Variants in MAP4K3 observed in about 807,000 individuals in gnomAD.
The protein encoded by MAP4K3 is mitogen-activated protein kinase kinase kinase kinase 3.
MAP4K3 carries 94 observed loss-of-function variants against 143.5 expected under a neutral mutation model. That is an observed-to-expected ratio of 0.65 (90% CI 0.55 to 0.78). The LOEUF (loss-of-function observed/expected upper bound fraction) is 0.78. Among genes scored for constraint, MAP4K3 ranks in the 30% least tolerant of loss-of-function variants. MAP4K3 has a pLI of 0.00. For synonymous variants in MAP4K3, 416 were observed against 347.2 expected, an observed-to-expected ratio of 1.20 and a Z score of -2.20; for missense variants, 1,077 against 1,068.1, an observed-to-expected ratio of 1.01 and a Z score of -0.12.
rs924140378 is a variant in MAP4K3, at chr2:39,250,082, A to G, written c.*536T>C. On this transcript the variant is annotated 3_prime_UTR_variant, in exon 34 of 34. Transcript: ENST00000263881. Reference sequence around the variant, plus strand: ...GCATTAAAATTAAAAAGATTATAAAATGATTACAGCCTCCATTACAATTTT... The same window carrying G: ...GCATTAAAATTAAAAAGATTATAAAGTGATTACAGCCTCCATTACAATTTT... 94 of 148,304 alleles carry G rather than the reference A, an allele frequency of 6.3e-4. No individual in the cohort carries two copies. The highest frequency in any genetic ancestry group is 2.1e-3 in the African/African-American group (87 of 41,242). The allele number at this position is 148,304 out of a possible 1,614,324, so 9.2% of individuals were successfully genotyped here.
At chr2:39,273,958 C>T (rs1681143052) in intron 24 of MAP4K3, among the ~76,000 whole-genome samples, 1 of 152,134 alleles carries the variant, frequency 6.6e-6, no homozygotes, top group African/African-American at 2.4e-5. Flanking sequence ...TAGCAAGATA[C>T]AGATTTTTAT....
chr2:39,325,984 C>T, intron 9 of MAP4K3, 23 bp from the exon 10 acceptor site: 2 of 1,555,462 alleles, frequency 1.3e-6, no homozygotes, highest in Non-Finnish European at 1.8e-6. Flanking sequence ...CAAATCATTA[C>T]ACAGCATTTT....
At position 39,280,265 on chromosome 2, in the gene MAP4K3, A is replaced by G. The variant is rs759924848; in HGVS notation, c.1714+7T>C. On this transcript the variant is annotated splice_region_variant and intron_variant, in intron 23 of 33. Coordinates refer to ENST00000263881, the MANE Select transcript of MAP4K3 (RefSeq NM_003618.4). Reference sequence around the variant, plus strand: ...GGAAGATAACAGATAAAAACACACAATACTACCTCTTGTATCTGGGTTTAT... The same window carrying G: ...GGAAGATAACAGATAAAAACACACAGTACTACCTCTTGTATCTGGGTTTAT... 2 of 1,527,238 alleles carry G rather than the reference A, an allele frequency of 1.3e-6. No homozygotes were observed. Among genetic ancestry groups the G allele is most frequent in the South Asian group, 2.6e-5 (2 of 76,994 alleles). 94.6% of individuals were successfully genotyped at this position (1,527,238 alleles called of 1,614,324 possible).
intron 1 of MAP4K3, among the ~76,000 whole-genome samples, chr2:39,409,742 T>C (rs1395816726): frequency 6.6e-6 from 1 of 152,120 alleles, no homozygotes; most frequent in Non-Finnish European, 1.5e-5. Flanking sequence ...TGAACAGAAA[T>C]AGACTAAAAA....
intron 13 of MAP4K3, among the ~76,000 whole-genome samples, chr2:39,311,010 A>T (rs1167185440): frequency 6.6e-6 from 1 of 152,222 alleles, no homozygotes; most frequent in Non-Finnish European, 1.5e-5. Flanking sequence ...TAACAAAATT[A>T]TATGTGTGTA....
At chr2:39,407,323 C>T (rs1667123555) in intron 1 of MAP4K3, among the ~76,000 whole-genome samples, 1 of 151,132 alleles carries the variant, frequency 6.6e-6, no homozygotes. Flanking sequence ...AGAATGTCTG[C>T]TCTCACCACT....
intron 33 of MAP4K3, among the ~76,000 whole-genome samples, chr2:39,251,457 T>A (rs561659270): frequency 6.6e-6 from 1 of 152,334 alleles, no homozygotes; most frequent in African/African-American, 2.4e-5. Flanking sequence ...CTATTTCCTA[T>A]AACTTTATAA....
chr2:39,411,447 T>C (rs547220760), intron 1 of MAP4K3, among the ~76,000 whole-genome samples: 8 of 152,362 alleles, frequency 5.3e-5, no homozygotes, highest in Admixed American at 5.2e-4. Flanking sequence ...GTGTCTTGTT[T>C]AGTTATTAAA....
intron 28 of MAP4K3, among the ~76,000 whole-genome samples, chr2:39,261,818 A>T (rs1680579982): frequency 6.6e-6 from 1 of 152,198 alleles, no homozygotes; most frequent in East Asian, 1.9e-4. Context: ...CATATACTTT[A>T]TAATTCCACT....
intron 3 of MAP4K3, among the ~76,000 whole-genome samples, chr2:39,355,552 G>C (rs1665588730): frequency 6.6e-6 from 1 of 151,534 alleles, no homozygotes; most frequent in South Asian, 2.1e-4. Flanking sequence ...AAGAAAGAAA[G>C]GAAAAAAATA....
chr2:39,280,262 A>G lies in MAP4K3; in HGVS notation c.1714+10T>C. The G allele has an allele frequency of 6.8e-7, 1 of 1,468,028 alleles. No homozygotes were observed. Among genetic ancestry groups the G allele is most frequent in the Non-Finnish European group, 9.2e-7 (1 of 1,086,398 alleles). The allele number at this position is 1,468,028 out of a possible 1,614,324, so 90.9% of individuals were successfully genotyped here. On this transcript the variant is annotated intron_variant, in intron 23 of 33. Coordinates refer to ENST00000263881, the MANE Select transcript of MAP4K3 (RefSeq NM_003618.4). ...TTAGGAAGATAACAGATAAAAACAC[A>G]CAATACTACCTCTTGTATCTGGGTT...
At chr2:39,257,208 T>C (rs1040102848) in intron 31 of MAP4K3, among the ~76,000 whole-genome samples, 7 of 152,200 alleles carry the variant, frequency 4.6e-5, no homozygotes, top group Non-Finnish European at 1.0e-4. Context: ...TAGTCAAATA[T>C]TAATCACCAT....
intron 29 of MAP4K3, among the ~76,000 whole-genome samples, chr2:39,259,502 G>A (rs1402026561): frequency 1.3e-5 from 2 of 152,098 alleles, no homozygotes; most frequent in South Asian, 2.1e-4. Flanking sequence ...CTGGAGTTGT[G>A]TAAAATGCAA....
At chr2:39,297,060 T>C (rs1682310943) in intron 16 of MAP4K3, among the ~76,000 whole-genome samples, 1 of 152,138 alleles carries the variant, frequency 6.6e-6, no homozygotes, top group African/African-American at 2.4e-5. Flanking sequence ...TAGAAGAGAA[T>C]TTACCTTCAA....
intron 27 of MAP4K3, among the ~76,000 whole-genome samples, chr2:39,265,728 A>C (rs181292854): frequency 9.2e-5 from 14 of 152,292 alleles, no homozygotes; most frequent in African/African-American, 3.4e-4. Flanking sequence ...GTTCAGAGGC[A>C]ATAATGTTTT....
At chr2:39,419,313 A>T (rs937331505) in intron 1 of MAP4K3, among the ~76,000 whole-genome samples, 3 of 152,162 alleles carry the variant, frequency 2.0e-5, no homozygotes, top group African/African-American at 7.2e-5. Flanking sequence ...TCTAAAGCCC[A>T]CCAAAATAAG....
At chr2:39,336,112 T>G (rs548607007) in intron 6 of MAP4K3, among the ~76,000 whole-genome samples, 23 of 152,290 alleles carry the variant, frequency 1.5e-4, no homozygotes, top group Admixed American at 9.8e-4. Flanking sequence ...GAGCACATGC[T>G]GTACCACTGG....
intron 8 of MAP4K3, among the ~76,000 whole-genome samples, chr2:39,330,196 A>G (rs1164814107): frequency 6.6e-6 from 1 of 152,130 alleles, no homozygotes; most frequent in Non-Finnish European, 1.5e-5. Context: ...AAAAGTAAAA[A>G]CAATAAAAAA....
Position 39,290,283 on chromosome 2 carries a change from T to A in MAP4K3, c.1314+9A>T, listed in dbSNP as rs1681985017. 6.3e-7 allele frequency: 1 copy of A among 1,595,296 alleles called. No homozygotes were observed. The highest frequency in any genetic ancestry group is 1.8e-5 in the Admixed American group (1 of 56,324). Reference sequence around the variant, plus strand: ...CACATATATCAAATTGAAAAATAAATCTGTCTACCTTTGGTGGCAAAGGAG... The same window carrying A: ...CACATATATCAAATTGAAAAATAAAACTGTCTACCTTTGGTGGCAAAGGAG... On this transcript the variant is annotated intron_variant, in intron 19 of 33. Transcript: ENST00000263881.
Sources: gnomAD v4.1 joint callset for allele counts (sites outside exome capture counted in the v4.1 genomes callset) on GRCh38, gnomAD v4.1.1 for gene constraint, MANE v1.5 for transcripts, NCBI Gene and HGNC (gene_info 2026-07-23, HGNC 2026-07-21) for gene names.